The following CFAP299 variants were observed in gnomAD, a reference collection of about 807,000 sequenced individuals.
The protein encoded by CFAP299 is cilia and flagella associated protein 299.
CFAP299 carries 21 observed loss-of-function variants against 27.0 expected under a neutral mutation model. That is an observed-to-expected ratio of 0.78 (90% CI 0.55 to 1.12). The LOEUF is 1.12. Ranked by LOEUF, CFAP299 falls within the 50% of genes most tolerant of loss-of-function variation. The pLI, the probability that CFAP299 is intolerant of heterozygous loss-of-function variation, is 0.00. For synonymous variants in CFAP299, 104 were observed against 98.1 expected, an observed-to-expected ratio of 1.06 and a Z score of -0.36; for missense variants, 310 against 276.6, an observed-to-expected ratio of 1.12 and a Z score of -0.86.
At chr4:80,741,555 C>T (rs1578080452) in intron 3 of CFAP299, among the ~76,000 whole-genome samples, 1 of 152,214 alleles carries the variant, frequency 6.6e-6, no homozygotes, top group East Asian at 1.9e-4. Context: ...AGCTGGTATC[C>T]AAGATGCAAG....
chr4:80,351,313 A>T (rs1372783325), intron 1 of CFAP299, among the ~76,000 whole-genome samples: 2 of 152,192 alleles, frequency 1.3e-5, no homozygotes, highest in Non-Finnish European at 2.9e-5. Context: ...GTGGTTTATA[A>T]CATGCACAGA....
intron 3 of CFAP299, among the ~76,000 whole-genome samples, chr4:80,867,301 TCTCC>T (rs1246686830): frequency 3.3e-5 from 5 of 152,198 alleles, no homozygotes; most frequent in Non-Finnish European, 7.3e-5. Flanking sequence ...GGATAAAAAC[TCTCC>T]CGTATGTATG....
At chr4:80,686,666 A>G (rs991541812) in intron 3 of CFAP299, among the ~76,000 whole-genome samples, 3 of 152,214 alleles carry the variant, frequency 2.0e-5, no homozygotes, top group African/African-American at 7.2e-5. Context: ...AGATTTTGGT[A>G]GAAGATAATT....
At chr4:80,384,738 A>G in intron 2 of CFAP299, among the ~76,000 whole-genome samples, 1 of 152,090 alleles carries the variant, frequency 6.6e-6, no homozygotes, top group East Asian at 1.9e-4. Flanking sequence ...TGTTTCAGGA[A>G]ACAAAGTTGA....
intron 4 of CFAP299, chr4:80,870,649 C>A (rs1733030356): frequency 1.0e-6 from 1 of 985,556 alleles, no homozygotes; most frequent in Admixed American, 6.1e-5. Flanking sequence ...CACCTAGCAT[C>A]TACCCTACAC....
chr4:80,477,813 T>G (rs1200363062), intron 2 of CFAP299, among the ~76,000 whole-genome samples: 1 of 152,182 alleles, frequency 6.6e-6, no homozygotes, highest in Non-Finnish European at 1.5e-5. Flanking sequence ...CTGGCAGACA[T>G]TATCAACTTA....
intron 3 of CFAP299, among the ~76,000 whole-genome samples, chr4:80,792,457 T>G (rs1284940163): frequency 6.6e-6 from 1 of 152,042 alleles, no homozygotes; most frequent in Non-Finnish European, 1.5e-5. Context: ...AAATTAACCT[T>G]TGGAGAAGGA....
intron 3 of CFAP299, among the ~76,000 whole-genome samples, chr4:80,857,521 A>G (rs2110154596): frequency 6.6e-6 from 1 of 152,318 alleles, no homozygotes; most frequent in South Asian, 2.1e-4. Context: ...TTGCCCATTC[A>G]GTATGATATT....
chr4:80,772,536 C>T (rs2110084813), intron 3 of CFAP299, among the ~76,000 whole-genome samples: 1 of 151,782 alleles, frequency 6.6e-6, no homozygotes, highest in African/African-American at 2.4e-5. Flanking sequence ...GCATACTTTC[C>T]CAATAGGCAC....
At chr4:80,541,388 T>A (rs1014148865) in intron 2 of CFAP299, among the ~76,000 whole-genome samples, 6 of 152,204 alleles carry the variant, frequency 3.9e-5, no homozygotes, top group African/African-American at 7.2e-5. Context: ...AATCAAAGTT[T>A]TAAATGTGTT....
intron 5 of CFAP299, among the ~76,000 whole-genome samples, chr4:80,947,518 T>C (rs931307038): frequency 6.6e-6 from 1 of 152,086 alleles, no homozygotes; most frequent in African/African-American, 2.4e-5. Context: ...TGTTGTGTTG[T>C]TGTTTGTTTT....
intron 3 of CFAP299, among the ~76,000 whole-genome samples, chr4:80,674,318 A>T (rs1016126750): frequency 4.6e-5 from 7 of 152,116 alleles, no homozygotes; most frequent in African/African-American, 1.7e-4. Context: ...TGGGTTGAAA[A>T]TTCTTTTCTT....
chr4:80,325,541 C>T, the CFAP299 span, among the ~76,000 whole-genome samples: 1 of 152,136 alleles, frequency 6.6e-6, no homozygotes, highest in Non-Finnish European at 1.5e-5. Context: ...TTATTTTCTA[C>T]AATGACAACA....
At chr4:80,938,534 C>T (rs1032438126) in intron 4 of CFAP299, among the ~76,000 whole-genome samples, 1 of 152,182 alleles carries the variant, frequency 6.6e-6, no homozygotes, top group African/African-American at 2.4e-5. Context: ...ATGCTTATCA[C>T]TGGCTTGCTG....
chr4:80,831,222 TAA>T (rs1341523670), intron 3 of CFAP299, among the ~76,000 whole-genome samples: 4 of 152,118 alleles, frequency 2.6e-5, no homozygotes, highest in Admixed American at 6.6e-5. Context: ...ATATTATATA[TAA>T]GTTATCAGTT....
chr4:80,404,140 G>A (rs901335339), intron 2 of CFAP299, among the ~76,000 whole-genome samples: 10 of 152,110 alleles, frequency 6.6e-5, no homozygotes, highest in South Asian at 2.1e-4. Flanking sequence ...GTATAATTAC[G>A]TGCTTAGGAA....
intron 2 of CFAP299, among the ~76,000 whole-genome samples, chr4:80,505,987 CACGT>C (rs942038100): frequency 6.6e-6 from 1 of 150,392 alleles, no homozygotes; most frequent in African/African-American, 2.5e-5. Context: ...TACACACACA[CACGT>C]GTGTGCGTGT....
chr4:80,823,738 A>C (rs1021355489), intron 3 of CFAP299, among the ~76,000 whole-genome samples: 2 of 152,192 alleles, frequency 1.3e-5, no homozygotes, highest in Admixed American at 1.3e-4. Context: ...TGTAACTGTT[A>C]TAGCAATGCA....
intron 1 of CFAP299, among the ~76,000 whole-genome samples, chr4:80,351,901 A>T (rs1723031339): frequency 6.7e-6 from 1 of 150,318 alleles, no homozygotes; most frequent in East Asian, 1.9e-4. Context: ...TGATTTATAA[A>T]TAATGTTAAT....
Sources: allele counts gnomAD v4.1 joint callset (sites outside exome capture counted in the v4.1 genomes callset), GRCh38; gene constraint gnomAD v4.1.1; transcripts MANE v1.5; gene names NCBI Gene and HGNC (gene_info 2026-07-23, HGNC 2026-07-21).